The following GLRA3 variants were observed in gnomAD, a reference collection of about 807,000 sequenced individuals.
GLRA3 encodes the protein glycine receptor subunit alpha-3.
GLRA3 carries 44 observed loss-of-function variants against 60.4 expected under a neutral mutation model. The ratio of observed to expected loss-of-function variants is 0.73; its 90% CI spans 0.57 to 0.94. The LOEUF (loss-of-function observed/expected upper bound fraction) is 0.94, where lower values mean the gene tolerates loss of function less well. Among genes scored for constraint, GLRA3 ranks in the 40% least tolerant of loss-of-function variants. The pLI is 0.00. For synonymous variants in GLRA3, 223 were observed against 192.9 expected, an observed-to-expected ratio of 1.16 and a Z score of -1.29; for missense variants, 508 against 564.6, an observed-to-expected ratio of 0.90 and a Z score of 1.02.
intron 1 of GLRA3, among the ~76,000 whole-genome samples, chr4:174,814,431 T>C (rs569535185): frequency 3.3e-5 from 5 of 152,306 alleles, no homozygotes; most frequent in African/African-American, 1.2e-4. Context: ...GCTGCTTCTC[T>C]CTGATGTCCA....
rs891393727 is a variant in GLRA3 at position 174,639,408 on chromosome 4, G to A, written c.*4378C>T. 2 of 134,878 alleles carry A rather than the reference G, an allele frequency of 1.5e-5. No individual in the cohort carries two copies. Among genetic ancestry groups the A allele is most frequent in the Non-Finnish European group, 1.6e-5 (1 of 63,164 alleles). The allele number at this position is 134,878 out of a possible 1,614,324, so 8.4% of individuals were successfully genotyped here. On this transcript the variant is annotated 3_prime_UTR_variant, in exon 10 of 10. Coordinates refer to ENST00000274093, the MANE Select transcript of GLRA3 (RefSeq NM_006529.4). ...TGTGTGTGTGTGTGTGTGTGTGTGTGTGAAAGAGAGAGAGAGAGAGGGAAA... is the reference window on the plus strand; with the variant it reads ...TGTGTGTGTGTGTGTGTGTGTGTGTATGAAAGAGAGAGAGAGAGAGGGAAA...
intron 2 of GLRA3, among the ~76,000 whole-genome samples, chr4:174,786,272 A>G (rs916894583): frequency 6.6e-6 from 1 of 152,120 alleles, no homozygotes; most frequent in Non-Finnish European, 1.5e-5. Context: ...GCACAAAATC[A>G]ACAAGGCAAG....
At chr4:174,765,743 G>A (rs1022629856) in intron 3 of GLRA3, among the ~76,000 whole-genome samples, 5 of 152,038 alleles carry the variant, frequency 3.3e-5, no homozygotes, top group African/African-American at 1.2e-4. Flanking sequence ...AATGACATAC[G>A]TCTTCTCTGC....
intron 5 of GLRA3, among the ~76,000 whole-genome samples, chr4:174,700,461 G>C (rs2111045812): frequency 6.6e-6 from 1 of 152,184 alleles, no homozygotes; most frequent in East Asian, 1.9e-4. Context: ...GTTTTTGGGT[G>C]CTACAAACTA....
intron 6 of GLRA3, 21 bp from the exon 7 acceptor site, chr4:174,677,313 T>C: frequency 7.3e-7 from 1 of 1,364,260 alleles, no homozygotes; most frequent in Non-Finnish European, 1.0e-6. Context: ...GTAAGGTAAA[T>C]ACAGCAATTA....
chr4:174,810,064 C>G (rs2111366446), intron 1 of GLRA3, among the ~76,000 whole-genome samples: 1 of 152,252 alleles, frequency 6.6e-6, no homozygotes, highest in African/African-American at 2.4e-5. Context: ...CGAGCACTGT[C>G]TGAGGACTCT....
At position 174,779,129 on chromosome 4, in the gene GLRA3, C is replaced by T. The variant is rs7696029; in HGVS notation, c.199+9687G>A. 4.8e-3 allele frequency among the ~76,000 whole-genome samples: 725 copies of T among 152,274 alleles called. 6 individuals carry two copies. Among genetic ancestry groups the T allele is most frequent in the African/African-American group, 0.017 (691 of 41,568 alleles). ...CAGCACGCAGCTGGAGATCTGAGAACGGGCAGACTGCTTCCTCAAGTGGGT... is the reference window on the plus strand; with the variant it reads ...CAGCACGCAGCTGGAGATCTGAGAATGGGCAGACTGCTTCCTCAAGTGGGT... On this transcript the variant is annotated intron_variant, in intron 2 of 9. Transcript: ENST00000274093.
chr4:174,778,419 C>A (rs1345938272), intron 2 of GLRA3, among the ~76,000 whole-genome samples: 1 of 152,042 alleles, frequency 6.6e-6, no homozygotes, highest in East Asian at 1.9e-4. Flanking sequence ...CAATAACAAG[C>A]TAACCAGATC....
intron 7 of GLRA3, among the ~76,000 whole-genome samples, chr4:174,670,648 A>G (rs1485156345): frequency 1.3e-5 from 2 of 152,158 alleles, no homozygotes; most frequent in Admixed American, 1.3e-4. Context: ...TAGTTCTATC[A>G]GATTTAAGAA....
chr4:174,739,690 A>C (rs910309242), intron 3 of GLRA3, among the ~76,000 whole-genome samples: 1 of 152,200 alleles, frequency 6.6e-6, no homozygotes, highest in African/African-American at 2.4e-5. Flanking sequence ...TTCAAAATGC[A>C]AAGAGCTTGC....
chr4:174,772,112 G>A (rs1226204997), intron 2 of GLRA3, among the ~76,000 whole-genome samples: 1 of 152,154 alleles, frequency 6.6e-6, no homozygotes, highest in Non-Finnish European at 1.5e-5. Context: ...GTTGACCAGA[G>A]GCTCAAATAG....
chr4:174,801,336 CATAGT>C (rs1168381193), intron 1 of GLRA3, among the ~76,000 whole-genome samples: 1 of 152,046 alleles, frequency 6.6e-6, no homozygotes, highest in African/African-American at 2.4e-5. Flanking sequence ...TAGTTTCAGA[CATAGT>C]ATAGATTACA....
chr4:174,653,563 GACATTGATAAATGGTAAA>G (rs556169888), intron 9 of GLRA3, among the ~76,000 whole-genome samples: 1 of 151,900 alleles, frequency 6.6e-6, no homozygotes, highest in Admixed American at 6.6e-5. Context: ...AAATAGTTTG[GACATTGATAAATGGTAAA>G]ATTTAAATTT....
intron 2 of GLRA3, among the ~76,000 whole-genome samples, chr4:174,780,526 A>G (rs1356424720): frequency 6.8e-5 from 10 of 146,558 alleles, no homozygotes; most frequent in Non-Finnish European, 1.1e-4. Context: ...GGCAAATTGG[A>G]TAAAGAGTCA....
chr4:174,644,515 T>G (rs1410176513), intron 9 of GLRA3, among the ~76,000 whole-genome samples: 1 of 111,986 alleles, frequency 8.9e-6, no homozygotes, highest in Admixed American at 7.8e-5. Context: ...CCTTTTAAAG[T>G]TTTTCTTTCA....
At chr4:174,666,400 A>G (rs1348452796) in intron 7 of GLRA3, among the ~76,000 whole-genome samples, 1 of 151,976 alleles carries the variant, frequency 6.6e-6, no homozygotes, top group African/African-American at 2.4e-5. Flanking sequence ...GATAAGAGAA[A>G]TATTTTATCC....
chr4:174,724,541 C>G (rs1264416428), intron 4 of GLRA3, among the ~76,000 whole-genome samples: 23 of 152,054 alleles, frequency 1.5e-4, no homozygotes, highest in Admixed American at 1.5e-3. Flanking sequence ...TTTGCTTGAA[C>G]TGTCAAATAT....
At chr4:174,706,045 T>C (rs140179969) in intron 5 of GLRA3, among the ~76,000 whole-genome samples, 2,241 of 152,070 alleles carry the variant, frequency 0.015, 59 homozygotes, top group African/African-American at 0.044. Context: ...CTGTGTAACA[T>C]GGTGAAACCC....
At position 174,777,024 on chromosome 4, in the gene GLRA3, G is replaced by T. The variant is rs77211334; in HGVS notation, c.200-9994C>A. Among the ~76,000 whole-genome samples the T allele has an allele frequency of 1.4e-4, 22 of 152,276 alleles. 1 individual carries two copies. The East Asian group carries it at 4.3e-3, about 29-fold the overall frequency. ...GAAAGGAGAAAGGAGAGAAGGGGAT[G>T]AGGGCAATGTGTTAGACACAGATGA... On this transcript the variant is annotated intron_variant, in intron 2 of 9. Coordinates refer to ENST00000274093, the MANE Select transcript of GLRA3 (RefSeq NM_006529.4).
Sources: gnomAD v4.1 joint callset for allele counts (sites outside exome capture counted in the v4.1 genomes callset) on GRCh38, gnomAD v4.1.1 for gene constraint, MANE v1.5 for transcripts, NCBI Gene and HGNC (gene_info 2026-07-23, HGNC 2026-07-21) for gene names.